Variants in SLC35D2 observed in about 807,000 individuals in gnomAD.
SLC35D2 encodes the protein solute carrier family 35 member D2, also known as nucleotide sugar transporter SLC35D2.
In SLC35D2, 43 loss-of-function variants were observed where a neutral mutation model predicts 41.8. That is an observed-to-expected ratio of 1.03 (90% CI 0.81 to 1.33). The LOEUF (loss-of-function observed/expected upper bound fraction) is 1.33. Among genes scored for constraint, SLC35D2 ranks in the 40% most tolerant of loss-of-function variants. The pLI, the probability that SLC35D2 is intolerant of heterozygous loss-of-function variation, is 0.00. For missense variants in SLC35D2, 380 were observed against 408.4 expected, an observed-to-expected ratio of 0.93 and a Z score of 0.60; for synonymous variants, 150 against 163.9, an observed-to-expected ratio of 0.92 and a Z score of 0.65.
intron 8 of SLC35D2, among the ~76,000 whole-genome samples, chr9:96,337,699 T>C (rs1317409503): frequency 2.6e-5 from 4 of 151,690 alleles, no homozygotes; most frequent in African/African-American, 7.3e-5. Flanking sequence ...ACTTCATTTT[T>C]GGCCGGGCGC....
chr9:96,336,619 A>C (rs1343506845), intron 9 of SLC35D2, 98 bp downstream of exon 9: 1 of 788,334 alleles, frequency 1.3e-6, no homozygotes, highest in Non-Finnish European at 2.1e-6. Flanking sequence ...TCAGAGAAAC[A>C]CAAAGGAATT....
chr9:96,365,120 G>C (rs1033114430), intron 2 of SLC35D2, among the ~76,000 whole-genome samples: 13 of 151,404 alleles, frequency 8.6e-5, no homozygotes, highest in African/African-American at 3.1e-4. Flanking sequence ...TTGGGAAGCT[G>C]AGGTGGGAAG....
intron 9 of SLC35D2, among the ~76,000 whole-genome samples, chr9:96,330,962 G>C (rs1278517972): frequency 6.6e-6 from 1 of 152,106 alleles, no homozygotes; most frequent in Non-Finnish European, 1.5e-5. Context: ...CAATGGCACA[G>C]CCTCGGCTCA....
At chr9:96,365,758 T>C (rs976023630) in intron 2 of SLC35D2, among the ~76,000 whole-genome samples, 1 of 152,186 alleles carries the variant, frequency 6.6e-6, no homozygotes, top group Non-Finnish European at 1.5e-5. Context: ...GTACCCTAGG[T>C]ATACTGGAAA....
chr9:96,333,335 G>A (rs900846879), intron 9 of SLC35D2, among the ~76,000 whole-genome samples: 9 of 151,680 alleles, frequency 5.9e-5, no homozygotes, highest in East Asian at 2.0e-4. Context: ...GGTGGCTCAC[G>A]CCTGTAATCC....
At chr9:96,356,323 A>G (rs182435445) in intron 4 of SLC35D2, among the ~76,000 whole-genome samples, 82 of 151,944 alleles carry the variant, frequency 5.4e-4, no homozygotes, top group African/African-American at 2.0e-3. Context: ...AGCAACACTA[A>G]CAAACTAAGT....
rs1829528213 is a variant in SLC35D2 at position 96,345,347 on chromosome 9, G to T, written c.543C>A (p.Ile181=). ...EGYIFVFLND[I]FTAANGVYTK... Reference sequence around the variant, plus strand: ...TATAAACTCCATTTGCTGCTGTGAAGATATCATTCAGGAATACAAAAATAT... The same window carrying T: ...TATAAACTCCATTTGCTGCTGTGAATATATCATTCAGGAATACAAAAATAT... Residue 181 remains isoleucine (I), a synonymous_variant, in exon 7 of 12, where the codon ATC becomes ATA. Transcript: ENST00000253270. The T allele has an allele frequency of 1.9e-6, 3 of 1,612,014 alleles. No individual in the cohort carries two copies. Among genetic ancestry groups the T allele is most frequent in the Admixed American group, 1.7e-5 (1 of 59,728 alleles).
chr9:96,368,165 GC>G, intron 2 of SLC35D2, 106 bp downstream of exon 2: 1 of 746,354 alleles, frequency 1.3e-6, no homozygotes, highest in Non-Finnish European at 2.2e-6. Context: ...CTGGTCCTCT[GC>G]CAGCTGAATA....
chr9:96,341,024 C>T (rs1829300869), intron 8 of SLC35D2, among the ~76,000 whole-genome samples: 1 of 152,138 alleles, frequency 6.6e-6, no homozygotes, highest in African/African-American at 2.4e-5. Flanking sequence ...CAGTGGCTCA[C>T]CCCTGTAATC....
intron 1 of SLC35D2, among the ~76,000 whole-genome samples, chr9:96,370,509 T>C (rs1830632825): frequency 6.6e-6 from 1 of 151,760 alleles, no homozygotes; most frequent in Non-Finnish European, 1.5e-5. Flanking sequence ...ATACAAAAAT[T>C]AGCCGGGCGT....
chr9:96,377,247 C>T lies in SLC35D2; in HGVS notation c.158+6230G>A, dbSNP rs79844605. 5.4e-3 allele frequency among the ~76,000 whole-genome samples: 817 copies of T among 152,154 alleles called. 10 individuals carry two copies. The highest frequency in any genetic ancestry group is 0.019 in the African/African-American group (778 of 41,520). ...CCACTCTTGTCATACCAAACTAAAA[C>T]AGTAACCAGGTAGGAAAAGCATTCG... On this transcript the variant is annotated intron_variant, in intron 1 of 11. Coordinates refer to ENST00000253270, the MANE Select transcript of SLC35D2 (RefSeq NM_007001.3).
chr9:96,339,481 A>G (rs1035185136), intron 8 of SLC35D2, among the ~76,000 whole-genome samples: 1 of 152,210 alleles, frequency 6.6e-6, no homozygotes, highest in Non-Finnish European at 1.5e-5. Context: ...GCATTTTTAA[A>G]ATAATGCAGC....
At chr9:96,327,327 T>A (rs539993463) in intron 9 of SLC35D2, among the ~76,000 whole-genome samples, 70 of 152,230 alleles carry the variant, frequency 4.6e-4, no homozygotes, top group African/African-American at 1.6e-3. Context: ...GTTCAAGTGA[T>A]CCTCCCGCCT....
At chr9:96,362,159 T>C (rs1046332369) in intron 3 of SLC35D2, among the ~76,000 whole-genome samples, 1 of 152,158 alleles carries the variant, frequency 6.6e-6, no homozygotes, top group African/African-American at 2.4e-5. Flanking sequence ...CCTAAGAACA[T>C]AGAGTTAGAT....
At chr9:96,338,532 G>A (rs1488702543) in intron 8 of SLC35D2, among the ~76,000 whole-genome samples, 3 of 147,990 alleles carry the variant, frequency 2.0e-5, no homozygotes, top group Non-Finnish European at 3.0e-5. Context: ...CTCCAGCCTG[G>A]GCAACAGAGT....
At chr9:96,355,299 G>A (rs982569413) in intron 4 of SLC35D2, among the ~76,000 whole-genome samples, 15 of 151,514 alleles carry the variant, frequency 9.9e-5, no homozygotes, top group African/African-American at 2.9e-4. Context: ...GACTACAGAC[G>A]TAAGCCACCA....
intron 4 of SLC35D2, among the ~76,000 whole-genome samples, chr9:96,358,917 G>A (rs1758382628): frequency 6.6e-6 from 1 of 152,016 alleles, no homozygotes; most frequent in African/African-American, 2.4e-5. Flanking sequence ...AGAGGTGGAG[G>A]TTGCAGTGAG....
At chr9:96,319,465 G>C (rs1172043030), downstream of SLC35D2, among the ~76,000 whole-genome samples, 1 of 151,766 alleles carries the variant, frequency 6.6e-6, no homozygotes, top group African/African-American at 2.4e-5. Flanking sequence ...ACTTAAAAAT[G>C]GTTAGGATGG....
chr9:96,374,395 ATAGTGGCTTGCGCC>A, intron 1 of SLC35D2, among the ~76,000 whole-genome samples: 1 of 152,124 alleles, frequency 6.6e-6, no homozygotes, highest in African/African-American at 2.4e-5. Context: ...TTAGCTGGGC[ATAGTGGCTTGCGCC>A]TGTAGTCCCA....
Sources: allele counts gnomAD v4.1 joint callset (sites outside exome capture counted in the v4.1 genomes callset), GRCh38; gene constraint gnomAD v4.1.1; transcripts MANE v1.5; gene names NCBI Gene and HGNC (gene_info 2026-07-23, HGNC 2026-07-21).